BTF3L4: variants seen among roughly 807,000 people sequenced by gnomAD.
BTF3L4 encodes transcription factor BTF3 homolog 4.
In BTF3L4, 6 loss-of-function variants were observed where a neutral mutation model predicts 16.8. The observed-to-expected ratio is 0.36, with a 90% CI of 0.20 to 0.71. The LOEUF is 0.71. Ranked by LOEUF, BTF3L4 falls within the 30% of genes least tolerant of loss-of-function variation. The pLI is 0.58. For missense variants in BTF3L4, 92 were observed against 186.9 expected (o/e 0.49, Z 2.96); for synonymous variants, 39 against 59.8 (o/e 0.65, Z 1.60).
At chr1:52,062,762 A>AG (rs1242337619) in intron 2 of BTF3L4, among the ~76,000 whole-genome samples, 1 of 152,234 alleles carries the variant, frequency 6.6e-6, no homozygotes, top group African/African-American at 2.4e-5. Context: ...CTAGAGTCTA[A>AG]GGCAGCAGTC....
chr1:52,061,885 G>A (rs1423569478), intron 2 of BTF3L4, among the ~76,000 whole-genome samples: 4 of 151,148 alleles, frequency 2.6e-5, no homozygotes, highest in Non-Finnish European at 4.4e-5. Context: ...CAGGTGATCT[G>A]CCCATCTCGG....
At chr1:52,080,632 C>T (rs933263818) in intron 3 of BTF3L4, among the ~76,000 whole-genome samples, 1 of 140,248 alleles carries the variant, frequency 7.1e-6, no homozygotes, top group African/African-American at 2.8e-5. Context: ...CTCCCAGGTT[C>T]AAGCAATTCT....
intron 2 of BTF3L4, among the ~76,000 whole-genome samples, chr1:52,062,197 CTTT>C (rs34904880): frequency 3.7e-5 from 2 of 53,610 alleles, no homozygotes; most frequent in Non-Finnish European, 3.4e-5. Context: ...CCGCCTCGGC[CTTT>C]TTTTTTTTTT....
chr1:52,065,071 A>T (rs1215486423), intron 3 of BTF3L4, 133 bp downstream of exon 3: 2 of 429,352 alleles, frequency 4.7e-6, no homozygotes, highest in Non-Finnish European at 8.4e-6. Flanking sequence ...GGACTGTGGC[A>T]CTTTGATTTT....
chr1:52,056,854 A>G (rs2783192), intron 1 of BTF3L4, among the ~76,000 whole-genome samples: 4,534 of 152,264 alleles, frequency 0.03, 85 homozygotes, highest in Non-Finnish European at 0.036. Context: ...GTGTTTGTTT[A>G]CAAGTCGGCG....
At chr1:52,068,332 A>T (rs6694230) in intron 3 of BTF3L4, among the ~76,000 whole-genome samples, 5,988 of 152,336 alleles carry the variant, frequency 0.039, 286 homozygotes, top group African/African-American at 0.12. Flanking sequence ...CCAAGGACTT[A>T]CTGGACAGTG....
In BTF3L4 at chr1:52,086,144, A is replaced by T; in HGVS notation, c.403A>T (p.Ile135Phe). The T allele has an allele frequency of 1.2e-6, 2 of 1,611,424 alleles. No individual in the cohort carries two copies. The highest frequency in any genetic ancestry group is 1.7e-6 in the Non-Finnish European group (2 of 1,178,834). The change falls in exon 5 of 6, where the codon ATT becomes TTT. Residue 135 changes from isoleucine to phenylalanine, a missense_variant. By Grantham distance (21) the Ile-to-Phe change is conservative (BLOSUM62 0). Coordinates refer to ENST00000313334, the MANE Select transcript of BTF3L4 (RefSeq NM_152265.5). ...CAGTAAAGCACCAAAACCAGAAGAC[A>T]TTGATGAGGAAGATGATGATGTTCC... ...LDSKAPKPEDIDEEDDDVPDL... is the reference protein window; with the variant it reads ...LDSKAPKPEDFDEEDDDVPDL...
At chr1:52,073,866 TGGGC>T (rs1686862416) in intron 3 of BTF3L4, among the ~76,000 whole-genome samples, 1 of 151,798 alleles carries the variant, frequency 6.6e-6, no homozygotes, top group Non-Finnish European at 1.5e-5. Context: ...GGCGTGGTGG[TGGGC>T]GTCTGTAATC....
intron 3 of BTF3L4, among the ~76,000 whole-genome samples, chr1:52,065,787 C>T (rs1423403547): frequency 6.6e-6 from 1 of 152,060 alleles, no homozygotes; most frequent in East Asian, 1.9e-4. Flanking sequence ...CCTGTAATCT[C>T]AGCACTTTGA....
intron 3 of BTF3L4, among the ~76,000 whole-genome samples, chr1:52,076,615 T>C (rs899952406): frequency 3.3e-5 from 5 of 151,498 alleles, no homozygotes; most frequent in Non-Finnish European, 1.5e-5. Context: ...AAAAAATTCC[T>C]GTCTTGTCAG....
At chr1:52,066,026 A>G (rs1314124260) in intron 3 of BTF3L4, among the ~76,000 whole-genome samples, 1 of 152,060 alleles carries the variant, frequency 6.6e-6, no homozygotes, top group Non-Finnish European at 1.5e-5. Flanking sequence ...TGACAGAGTG[A>G]GCATCCGTCT....
chr1:52,076,754 C>T (rs971162103), intron 3 of BTF3L4, among the ~76,000 whole-genome samples: 3 of 152,194 alleles, frequency 2.0e-5, no homozygotes, highest in Admixed American at 6.5e-5. Context: ...GTGAAGGATA[C>T]TGACTGATTT....
intron 3 of BTF3L4, among the ~76,000 whole-genome samples, chr1:52,079,065 A>G (rs1687001277): frequency 6.6e-6 from 1 of 152,190 alleles, no homozygotes; most frequent in South Asian, 2.1e-4. Flanking sequence ...TGACTTTAAC[A>G]AGTTCCTTAT....
At chr1:52,068,093 G>A (rs1686698835) in intron 3 of BTF3L4, among the ~76,000 whole-genome samples, 1 of 152,184 alleles carries the variant, frequency 6.6e-6, no homozygotes, top group Non-Finnish European at 1.5e-5. Context: ...AGATTTGGAA[G>A]ACTTTATGCC....
intron 3 of BTF3L4, among the ~76,000 whole-genome samples, chr1:52,080,236 A>C (rs1170983814): frequency 6.6e-6 from 1 of 152,132 alleles, no homozygotes; most frequent in Non-Finnish European, 1.5e-5. Context: ...AACAAGAACA[A>C]GTTGGGAAAC....
chr1:52,086,446 G>A (rs917363281), intron 5 of BTF3L4: 4 of 476,166 alleles, frequency 8.4e-6, no homozygotes, highest in Non-Finnish European at 1.5e-5. Context: ...ATTTCTGTAT[G>A]AATTATAATT....
intron 2 of BTF3L4, among the ~76,000 whole-genome samples, chr1:52,062,260 G>A (rs372530042): frequency 2.5e-4 from 36 of 145,780 alleles, no homozygotes; most frequent in African/African-American, 8.5e-4. Context: ...GGAGTGCAGT[G>A]GCGTGATCTC....
intron 3 of BTF3L4, among the ~76,000 whole-genome samples, chr1:52,071,931 CTGTG>C (rs59491944): frequency 0.19 from 23,694 of 127,776 alleles, 2,804 homozygotes; most frequent in East Asian, 0.66. Context: ...GTTTTTTACT[CTGTG>C]TGTGTGTGTG....
intron 3 of BTF3L4, among the ~76,000 whole-genome samples, chr1:52,069,945 G>A (rs189923102): frequency 3.3e-5 from 5 of 152,118 alleles, no homozygotes; most frequent in African/African-American, 1.2e-4. Context: ...GGTTGGGTGC[G>A]GTGGCTCACT....
Sources: gnomAD v4.1 joint callset for allele counts (sites outside exome capture counted in the v4.1 genomes callset) on GRCh38, gnomAD v4.1.1 for gene constraint, MANE v1.5 for transcripts, NCBI Gene and HGNC (gene_info 2026-07-23, HGNC 2026-07-21) for gene names.